TNKS: variants seen among roughly 807,000 people sequenced by gnomAD.
TNKS encodes tankyrase.
TNKS carries 72 observed loss-of-function variants against 135.8 expected under a neutral mutation model. The observed-to-expected ratio is 0.53, with a 90% CI of 0.44 to 0.64. TNKS has a LOEUF of 0.64. TNKS is among the 30% of genes least tolerant of loss of function. TNKS has a pLI of 0.00. For synonymous variants in TNKS, 849 were observed against 649.3 expected (o/e 1.31, Z -4.68); for missense variants, 1,769 against 1,674.0 (o/e 1.06, Z -0.99).
Position 9,720,527 on chromosome 8 carries a change from G to C in TNKS, c.1903G>C (p.Val635Leu), listed in dbSNP as rs762467645. Residue 635 changes from valine (V) to leucine (L), a missense_variant, in exon 12 of 27, where the codon GTG becomes CTG. By Grantham distance (32) the Val-to-Leu change is conservative. Around this residue, in one of 5 missense-constraint regions of TNKS, gnomAD observed 523 missense variants for 541.0 expected, o/e 0.97. Coordinates refer to ENST00000310430, the MANE Select transcript of TNKS (RefSeq NM_003747.3). ...AGCAGCACAGATGGGCAATGAAGCA[G>C]TGCAGCAGATTCTGAGTGGTGAGTT... Reference protein sequence around the residue: ...FTAAQMGNEAVQQILSESTPI... With the variant: ...FTAAQMGNEALQQILSESTPI... 1.2e-6 allele frequency: 2 copies of C among 1,613,314 alleles called. No individual in the cohort carries two copies. The highest frequency in any genetic ancestry group is 1.7e-6 in the Non-Finnish European group (2 of 1,179,704).
At chr8:9,659,496 A>C (rs895545550) in intron 3 of TNKS, among the ~76,000 whole-genome samples, 4 of 152,228 alleles carry the variant, frequency 2.6e-5, no homozygotes, top group African/African-American at 9.6e-5. Flanking sequence ...CTGGGTACCT[A>C]ACAAAATGAA....
intron 2 of TNKS, among the ~76,000 whole-genome samples, chr8:9,613,095 A>G (rs1161657600): frequency 6.6e-6 from 1 of 152,136 alleles, no homozygotes; most frequent in Non-Finnish European, 1.5e-5. Flanking sequence ...TACTGAAAAA[A>G]ATCTGCATAT....
rs139507336 is a variant in TNKS at position 9,651,752 on chromosome 8, CT to C, written c.995-28195del. Among the ~76,000 whole-genome samples the C allele has an allele frequency of 4.7e-3, 709 of 152,262 alleles. 7 individuals carry two copies. The highest frequency in any genetic ancestry group is 0.016 in the African/African-American group (677 of 41,558). ...TGGTATGGGCTTGCATAAGAACATT[CT>C]TTTATGTGGGCTTGTTCCATATCCT... On this transcript the variant is annotated intron_variant, in intron 3 of 26. Coordinates refer to ENST00000310430, the MANE Select transcript of TNKS (RefSeq NM_003747.3).
intron 2 of TNKS, among the ~76,000 whole-genome samples, chr8:9,605,838 A>C (rs1323128726): frequency 6.6e-6 from 1 of 152,020 alleles, no homozygotes; most frequent in Non-Finnish European, 1.5e-5. Flanking sequence ...TCTAATCTAG[A>C]AGAGTTTTTT....
At chr8:9,568,373 G>A (rs1451260815) in intron 1 of TNKS, among the ~76,000 whole-genome samples, 1 of 152,130 alleles carries the variant, frequency 6.6e-6, no homozygotes, top group Non-Finnish European at 1.5e-5. Flanking sequence ...TAGTAAAAAT[G>A]CAGTGTTTCT....
chr8:9,608,563 A>C (rs998482993), intron 2 of TNKS, among the ~76,000 whole-genome samples: 1 of 152,116 alleles, frequency 6.6e-6, no homozygotes, highest in African/African-American at 2.4e-5. Flanking sequence ...GCTATTGCCA[A>C]ATAAGCCTCA....
intron 13 of TNKS, among the ~76,000 whole-genome samples, chr8:9,729,139 A>G (rs1805299161): frequency 1.3e-5 from 2 of 152,130 alleles, no homozygotes; most frequent in Admixed American, 1.3e-4. Flanking sequence ...CAGAAGGCGG[A>G]AGGGCAAAAC....
intron 1 of TNKS, 187 bp downstream of exon 1, chr8:9,556,799 G>GCC: frequency 1.3e-5 from 5 of 393,334 alleles, no homozygotes; most frequent in East Asian, 6.3e-5. Context: ...GGTTGGGGGG[G>GCC]ATAAGTGAAT....
Position 9,580,354 on chromosome 8 carries a change from C to G in TNKS, c.869C>G (p.Ala290Gly). ...NWNYTPLHEA[A>G]IKGKIDVCIV... ...AACTATACACCTCTGCATGAAGCTG[C>G]TATTAAAGGGAAGATCGATGTGTGC... The change falls in exon 2 of 27, where the codon GCT (alanine) becomes GGT (glycine). Residue 290 changes from alanine to glycine, a missense_variant. Ala to Gly is a moderately conservative substitution (Grantham distance 60). Around this residue, in one of 5 missense-constraint regions of TNKS, gnomAD observed 523 missense variants for 541.0 expected, o/e 0.97. Coordinates refer to ENST00000310430, the MANE Select transcript of TNKS (RefSeq NM_003747.3). The G allele has an allele frequency of 1.2e-6, 2 of 1,614,012 alleles. No individual in the cohort carries two copies. Among genetic ancestry groups the G allele is most frequent in the Non-Finnish European group, 1.7e-6 (2 of 1,179,996 alleles).
At chr8:9,698,087 C>CATG (rs1803602688) in intron 5 of TNKS, among the ~76,000 whole-genome samples, 2 of 152,132 alleles carry the variant, frequency 1.3e-5, no homozygotes, top group Non-Finnish European at 2.9e-5. Context: ...AGAATGAAGT[C>CATG]ATGCCCTTTG....
chr8:9,700,148 C>G (rs1392347735), intron 5 of TNKS, among the ~76,000 whole-genome samples: 1 of 152,046 alleles, frequency 6.6e-6, no homozygotes, highest in Non-Finnish European at 1.5e-5. Context: ...TCCTGAACTC[C>G]CCTTCCATGG....
At chr8:9,733,183 G>T in intron 14 of TNKS, 96 bp from the exon 15 acceptor site, 3 of 1,195,732 alleles carry the variant, frequency 2.5e-6, no homozygotes, top group Non-Finnish European at 3.5e-6. Context: ...GTTCAGTATA[G>T]TCAGTACCAT....
intron 20 of TNKS, among the ~76,000 whole-genome samples, chr8:9,757,327 A>G (rs1806892218): frequency 6.6e-6 from 1 of 151,948 alleles, no homozygotes. Context: ...GCCCTTTAAG[A>G]TCCTCTCTGT....
intron 3 of TNKS, among the ~76,000 whole-genome samples, chr8:9,656,022 A>G (rs1418698250): frequency 6.6e-6 from 1 of 152,196 alleles, no homozygotes; most frequent in East Asian, 1.9e-4. Flanking sequence ...GGCTAACTAG[A>G]ATAACCAATG....
At position 9,780,129 on chromosome 8, in the gene TNKS, A is replaced by C. The variant is rs1229535225; in HGVS notation, c.*3393A>C. On this transcript the variant is annotated 3_prime_UTR_variant, in exon 27 of 27. Transcript: ENST00000310430. ...CGGAGAACGGCATTAGAATGCAATA[A>C]GTTGTCTAGGTTTTTCTGTTTCAGT... 6.6e-6 allele frequency: 1 copy of C among 152,248 alleles called. No homozygotes were observed. The highest frequency in any genetic ancestry group is 1.5e-5 in the Non-Finnish European group (1 of 68,044). 9.4% of individuals were successfully genotyped at this position (152,248 alleles called of 1,614,324 possible).
chr8:9,673,185 A>G (rs1359495529), intron 3 of TNKS, among the ~76,000 whole-genome samples: 1 of 152,174 alleles, frequency 6.6e-6, no homozygotes, highest in Non-Finnish European at 1.5e-5. Flanking sequence ...TGGGATGTGT[A>G]TCTTAGATGT....
intron 2 of TNKS, among the ~76,000 whole-genome samples, chr8:9,589,962 A>T (rs1389160339): frequency 6.6e-6 from 1 of 152,212 alleles, no homozygotes; most frequent in Non-Finnish European, 1.5e-5. Context: ...TGCATGCTCC[A>T]TTCATTGTCC....
chr8:9,592,868 A>G (rs538500061), intron 2 of TNKS, among the ~76,000 whole-genome samples: 1 of 152,330 alleles, frequency 6.6e-6, no homozygotes, highest in East Asian at 1.9e-4. Flanking sequence ...AGTATGTCAG[A>G]CACTTCAATA....
chr8:9,563,703 T>G (rs561371873), intron 1 of TNKS, among the ~76,000 whole-genome samples: 49 of 152,352 alleles, frequency 3.2e-4, no homozygotes, highest in African/African-American at 1.1e-3. Context: ...ATGCTATACG[T>G]TCATATCTTG....
Sources: allele counts gnomAD v4.1 joint callset (sites outside exome capture counted in the v4.1 genomes callset), GRCh38; gene constraint gnomAD v4.1.1; regional missense constraint gnomAD v4.1.1; transcripts MANE v1.5; gene names NCBI Gene and HGNC (gene_info 2026-07-23, HGNC 2026-07-21).